CDH23: variants seen among roughly 807,000 people sequenced by gnomAD.
CDH23 encodes the protein cadherin related 23, also known as cadherin-23.
CDH23 carries 189 observed loss-of-function variants against 317.1 expected under a neutral mutation model. That is an observed-to-expected ratio of 0.60 (90% CI 0.53 to 0.67). CDH23 has a LOEUF of 0.67. Among genes scored for constraint, CDH23 ranks in the 30% least tolerant of loss-of-function variants. The pLI, the probability that CDH23 is intolerant of heterozygous loss-of-function variation, is 0.00. For synonymous variants in CDH23, 1,839 were observed against 1,876.8 expected, an observed-to-expected ratio of 0.98 and a Z score of 0.52; for missense variants, 4,401 against 4,592.4, an observed-to-expected ratio of 0.96 and a Z score of 1.20.
At chr10:71,715,362 G>C (rs558586074) in intron 28 of CDH23, 3 of 152,296 alleles carry the variant, frequency 2.0e-5, no homozygotes, top group Non-Finnish European at 2.9e-5. Context: ...CCAGGCATCT[G>C]TTCCACCAGG....
chr10:71,549,519 A>C (rs1856467306), intron 6 of CDH23, among the ~76,000 whole-genome samples: 1 of 152,194 alleles, frequency 6.6e-6, no homozygotes, highest in African/African-American at 2.4e-5. Flanking sequence ...AAGATGCTCT[A>C]AACAGGGGTA....
intron 38 of CDH23, among the ~76,000 whole-genome samples, chr10:71,766,473 G>A (rs753177314): frequency 3.9e-5 from 6 of 152,160 alleles, no homozygotes; most frequent in South Asian, 2.1e-4. Context: ...GGATTGCAAC[G>A]TCCTGGGGCC....
At chr10:71,510,324 C>T in intron 4 of CDH23, 100 bp downstream of exon 4, 1 of 1,347,768 alleles carries the variant, frequency 7.4e-7, no homozygotes, top group South Asian at 1.3e-5. Context: ...TCCTCTAAGA[C>T]CCCATTCTGA....
In CDH23 at chr10:71,740,919, G is replaced by C; in HGVS notation, c.4586G>C (p.Ser1529Thr). 1 of 1,613,992 alleles carries C rather than the reference G, an allele frequency of 6.2e-7. No homozygotes were observed. The highest frequency in any genetic ancestry group is 8.5e-7 in the Non-Finnish European group (1 of 1,179,884). Residue 1529 changes from serine (S) to threonine (T), a missense_variant, in exon 37 of 70, where the codon AGC (serine) becomes ACC (threonine). Coordinates refer to ENST00000224721, the MANE Select transcript of CDH23 (RefSeq NM_022124.6). Reference protein sequence around the residue: ...DINDNPPVIESPFGYNVSVNE... With the variant: ...DINDNPPVIETPFGYNVSVNE... ...AATGACAACCCTCCAGTCATCGAGA[G>C]CCCCTTTGGATACAATGTCAGTGTG...
intron 14 of CDH23, among the ~76,000 whole-genome samples, chr10:71,658,945 T>C (rs1589304529): frequency 6.6e-6 from 1 of 152,146 alleles, no homozygotes; most frequent in Non-Finnish European, 1.5e-5. Context: ...GGTCCATGGC[T>C]GAAGGGGCCT....
chr10:71,625,235 A>G (rs886608079), intron 11 of CDH23, among the ~76,000 whole-genome samples: 3 of 151,528 alleles, frequency 2.0e-5, no homozygotes, highest in Non-Finnish European at 2.9e-5. Flanking sequence ...GGTCCCACCG[A>G]GCGGAGGGGC....
At position 71,707,063 on chromosome 10, in the gene CDH23, C is replaced by T. The variant is rs1223707539; in HGVS notation, c.3106+14C>T. 3.8e-6 allele frequency: 6 copies of T among 1,593,274 alleles called. No individual in the cohort carries two copies. Among genetic ancestry groups the T allele is most frequent in the Non-Finnish European group, 4.3e-6 (5 of 1,170,306 alleles). ...ACTTCATCACAGGTGCTGCCCCGGC[C>T]TCCGCCCACCTGTGCAGGCCTCCTG... On this transcript the variant is annotated intron_variant, in intron 26 of 69. Transcript: ENST00000224721.
Position 71,695,459 on chromosome 10 carries a change from G to A in CDH23, c.2331G>A (p.Thr777=), listed in dbSNP as rs367797304. ...TLLDINDNHP[T]WKDAPYYINL... ...TGGACATCAATGACAACCACCCCAC[G>A]TGGAAGGACGCACCCTACTACATCA... The change falls in exon 22 of 70, where the codon ACG becomes ACA. Residue 777 remains threonine, a synonymous_variant. Coordinates refer to ENST00000224721, the MANE Select transcript of CDH23 (RefSeq NM_022124.6). 2.7e-5 allele frequency: 43 copies of A among 1,613,506 alleles called. No individual in the cohort carries two copies. Among genetic ancestry groups the A allele is most frequent in the African/African-American group, 6.7e-5 (5 of 74,918 alleles).
intron 62 of CDH23, among the ~76,000 whole-genome samples, chr10:71,811,103 A>T (rs1001176965): frequency 7.2e-6 from 1 of 139,002 alleles, no homozygotes; most frequent in African/African-American, 2.7e-5. Flanking sequence ...AAAAAAAAAA[A>T]GGGAGTATTC....
At chr10:71,757,556 G>C (rs947538350) in intron 38 of CDH23, 5 of 152,434 alleles carry the variant, frequency 3.3e-5, no homozygotes, top group African/African-American at 1.2e-4. Context: ...ACTCACAGGG[G>C]AAGGCAGGCA....
chr10:71,423,636 T>C (rs993650248), intron 1 of CDH23, among the ~76,000 whole-genome samples: 5 of 152,076 alleles, frequency 3.3e-5, no homozygotes, highest in African/African-American at 4.8e-5. Context: ...GTGACAGCTT[T>C]AGGGGAGACT....
At chr10:71,812,408 G>A (rs1464307277) in intron 66 of CDH23, 72 bp from the exon 67 acceptor site, 1 of 1,608,602 alleles carries the variant, frequency 6.2e-7, no homozygotes, top group Non-Finnish European at 8.5e-7. Context: ...CAGGATGTGG[G>A]GTGAGGCTGG....
At chr10:71,810,373 T>C (rs1334389750) in intron 61 of CDH23, 99 bp from the exon 62 acceptor site, 3 of 1,110,020 alleles carry the variant, frequency 2.7e-6, no homozygotes, top group African/African-American at 1.5e-5. Context: ...GAAGGGTCTA[T>C]TTGCAGGGAA....
chr10:71,485,314 T>G (rs1852289298), intron 3 of CDH23, among the ~76,000 whole-genome samples: 1 of 152,244 alleles, frequency 6.6e-6, no homozygotes, highest in Non-Finnish European at 1.5e-5. Flanking sequence ...AGTGAGCCAC[T>G]GCGCCTGGCT....
intron 11 of CDH23, among the ~76,000 whole-genome samples, chr10:71,625,990 G>A (rs1861716784): frequency 6.6e-6 from 1 of 152,192 alleles, no homozygotes; most frequent in Non-Finnish European, 1.5e-5. Flanking sequence ...TCACGTTACA[G>A]GTGTCACAGA....
At chr10:71,645,491 T>C (rs545007129) in intron 12 of CDH23, among the ~76,000 whole-genome samples, 1 of 152,316 alleles carries the variant, frequency 6.6e-6, no homozygotes, top group East Asian at 1.9e-4. Context: ...CCGCTGGGTC[T>C]TGCAGCTGGC....
intron 6 of CDH23, among the ~76,000 whole-genome samples, chr10:71,546,564 C>T (rs1856294349): frequency 6.6e-6 from 1 of 152,222 alleles, no homozygotes; most frequent in African/African-American, 2.4e-5. Flanking sequence ...CAAGTTGGGA[C>T]TGAAACATGC....
intron 1 of CDH23, among the ~76,000 whole-genome samples, chr10:71,437,166 T>G (rs982432632): frequency 6.6e-6 from 1 of 152,220 alleles, no homozygotes; most frequent in Non-Finnish European, 1.5e-5. Flanking sequence ...ATACTGCTGG[T>G]GGGACTGAGA....
intron 6 of CDH23, among the ~76,000 whole-genome samples, chr10:71,530,361 C>T (rs986597308): frequency 6.6e-6 from 1 of 152,232 alleles, no homozygotes; most frequent in African/African-American, 2.4e-5. Flanking sequence ...CCGGTGCCCA[C>T]AGTGGGGCCT....
Sources: allele counts gnomAD v4.1 joint callset (sites outside exome capture counted in the v4.1 genomes callset), GRCh38; gene constraint gnomAD v4.1.1; transcripts MANE v1.5; gene names NCBI Gene and HGNC (gene_info 2026-07-23, HGNC 2026-07-21).